CRK: variants seen among roughly 807,000 people sequenced by gnomAD.
The protein encoded by CRK is adapter molecule crk.
CRK carries 4 observed loss-of-function variants against 29.8 expected under a neutral mutation model. The observed-to-expected ratio is 0.13, with a 90% confidence interval of 0.07 to 0.31. CRK has a LOEUF of 0.31. CRK is among the 10% of genes least tolerant of loss of function. The pLI is 1.00. For synonymous variants in CRK, 153 were observed against 164.9 expected (o/e 0.93, Z 0.55); for missense variants, 274 against 396.5 (o/e 0.69, Z 2.62).
At chr17:1,426,991 C>T (rs1161838232) in intron 2 of CRK, among the ~76,000 whole-genome samples, 1 of 123,486 alleles carries the variant, frequency 8.1e-6, no homozygotes, top group Non-Finnish European at 1.6e-5. Flanking sequence ...AAGATAGTAC[C>T]AGTGCACTCC....
chr17:1,430,342 C>T (rs1329109290), intron 2 of CRK, among the ~76,000 whole-genome samples: 2 of 151,004 alleles, frequency 1.3e-5, no homozygotes, highest in African/African-American at 4.9e-5. Context: ...ACCACTGTAC[C>T]TGGGCTCATT....
intron 2 of CRK, among the ~76,000 whole-genome samples, chr17:1,427,030 C>CAAAAAAAAAAAAAAAAA (rs562515421): frequency 1.4e-4 from 5 of 35,304 alleles, no homozygotes; most frequent in East Asian, 1.3e-3. Context: ...AAACTGTCTC[C>CAAAAAAAAAAAAAAAAA]AAAAAAAAAA....
intron 2 of CRK, among the ~76,000 whole-genome samples, chr17:1,435,303 C>T (rs907240800): frequency 2.6e-5 from 4 of 152,080 alleles, no homozygotes; most frequent in Admixed American, 6.6e-5. Context: ...CTGCCCACCT[C>T]GGCCTCCCAA....
At chr17:1,450,518 AG>A (rs1282104522) in intron 1 of CRK, among the ~76,000 whole-genome samples, 3 of 111,538 alleles carry the variant, frequency 2.7e-5, no homozygotes, top group Non-Finnish European at 6.6e-5. Context: ...TCTCAAAAAA[AG>A]AAAAAAAACA....
intron 2 of CRK, among the ~76,000 whole-genome samples, chr17:1,431,045 C>T (rs188077803): frequency 8.6e-5 from 13 of 151,154 alleles, no homozygotes; most frequent in South Asian, 2.1e-4. Context: ...CCAGCCTGGG[C>T]GACAGAGTGA....
Position 1,456,120 on chromosome 17 carries a change from C to A in CRK, c.-3G>T, listed in dbSNP as rs774848715. On this transcript the variant is annotated 5_prime_UTR_variant, in exon 1 of 3. Transcript: ENST00000300574. The stretch of plus-strand genomic sequence containing the variant: ...TCCGAGTCGAAGTTGCCCGCCATGG[C>A]TGCCTCCGCGCCTAAACGCTGGGGT... 7 of 1,535,306 alleles carry A rather than the reference C, an allele frequency of 4.6e-6. No homozygotes were observed. Among genetic ancestry groups the A allele is most frequent in the Non-Finnish European group, 5.2e-6 (6 of 1,144,304 alleles).
intron 1 of CRK, among the ~76,000 whole-genome samples, chr17:1,443,424 G>C (rs974588906): frequency 6.6e-6 from 1 of 151,686 alleles, no homozygotes; most frequent in South Asian, 2.1e-4. Flanking sequence ...TTGAGACAGA[G>C]TCTCACTGTT....
chr17:1,437,198 C>T, intron 1 of CRK, 43 bp from the exon 2 acceptor site: 1 of 1,519,238 alleles, frequency 6.6e-7, no homozygotes, highest in Non-Finnish European at 8.8e-7. Context: ...ATGTACTACA[C>T]TGGAAATGAA....
intron 2 of CRK, among the ~76,000 whole-genome samples, chr17:1,433,150 C>T (rs950993378): frequency 6.6e-6 from 1 of 152,156 alleles, no homozygotes; most frequent in African/African-American, 2.4e-5. Context: ...CTGATCAATG[C>T]GTTCCAGAGA....
chr17:1,438,142 G>T (rs1251781419), intron 1 of CRK, among the ~76,000 whole-genome samples: 2 of 151,642 alleles, frequency 1.3e-5, no homozygotes, highest in African/African-American at 4.8e-5. Context: ...GGTTTTCGTT[G>T]TTTTTGGGAC....
chr17:1,430,425 T>C (rs62089613), intron 2 of CRK, among the ~76,000 whole-genome samples: 77,191 of 149,518 alleles, frequency 0.52, 21,036 homozygotes, highest in Non-Finnish European at 0.61. Flanking sequence ...GGCGCGATCT[T>C]GGCTCACTGC....
Position 1,433,176 on chromosome 17 carries a change from C to T in CRK, c.777+3444G>A, listed in dbSNP as rs576030630. The stretch of plus-strand genomic sequence containing the variant: ...GTTCCAGAGATAATGAGAACAAAAT[C>T]AGAACCCAAATGGTATCAATGTTTG... On this transcript the variant is annotated intron_variant, in intron 2 of 2. Transcript: ENST00000300574. Among the ~76,000 whole-genome samples, 23 of 152,290 alleles carry T rather than the reference C, an allele frequency of 1.5e-4. No individual in the cohort carries two copies. The South Asian group carries it at 3.7e-3, about 25-fold the overall frequency.
At chr17:1,447,610 T>TC (rs2073985389) in intron 1 of CRK, among the ~76,000 whole-genome samples, 1 of 118,650 alleles carries the variant, frequency 8.4e-6, no homozygotes, top group East Asian at 2.4e-4. Context: ...TCTTTTCCTT[T>TC]TTTTTTTTTT....
intron 1 of CRK, among the ~76,000 whole-genome samples, chr17:1,447,912 C>A (rs148403938): frequency 1.7e-4 from 26 of 152,102 alleles, no homozygotes; most frequent in Non-Finnish European, 3.1e-4. Flanking sequence ...CCACCACACC[C>A]GGCCCTCTTT....
intron 2 of CRK, among the ~76,000 whole-genome samples, chr17:1,433,157 G>C (rs539218614): frequency 6.6e-6 from 1 of 152,324 alleles, no homozygotes; most frequent in Admixed American, 6.5e-5. Context: ...ATGCGTTCCA[G>C]AGATAATGAG....
intron 1 of CRK, among the ~76,000 whole-genome samples, chr17:1,453,306 A>G (rs934231656): frequency 2.0e-5 from 3 of 152,306 alleles, no homozygotes; most frequent in Non-Finnish European, 2.9e-5. Context: ...GAGACATAAA[A>G]TCGTTATGCT....
chr17:1,456,192 C>A lies in CRK; in HGVS notation c.-75G>T. On this transcript the variant is annotated 5_prime_UTR_variant, in exon 1 of 3. Transcript: ENST00000300574. Reference sequence around the variant, plus strand: ...CCGGCCCCCGGCGCCCGCCGCCCAGCGGACCGGCTCCGGTTTCAGCTTCAC... The same window carrying A: ...CCGGCCCCCGGCGCCCGCCGCCCAGAGGACCGGCTCCGGTTTCAGCTTCAC... The A allele has an allele frequency of 1.5e-6, 2 of 1,356,348 alleles. No homozygotes were observed. The highest frequency in any genetic ancestry group is 9.4e-7 in the Non-Finnish European group (1 of 1,059,294). 84.0% of individuals were successfully genotyped at this position (1,356,348 alleles called of 1,614,324 possible). A position where few individuals can be genotyped will look rare whatever the true frequency, so the allele number is the denominator to read the frequency against.
intron 2 of CRK, among the ~76,000 whole-genome samples, chr17:1,424,067 GTTTT>G (rs58338503): frequency 8.2e-5 from 9 of 109,828 alleles, no homozygotes; most frequent in South Asian, 3.2e-4. Flanking sequence ...AGCTTTCTCC[GTTTT>G]TTTTTTTTTT....
Position 1,423,337 on chromosome 17 carries a change from T to C in CRK, c.*176A>G, listed in dbSNP as rs1366207030. On this transcript the variant is annotated 3_prime_UTR_variant, in exon 3 of 3. Coordinates refer to ENST00000300574, the MANE Select transcript of CRK (RefSeq NM_016823.4). ...CACACAAGCCCTCCAGTTCGTACCC[T>C]GAATATGGTAATTAAGACTAGGAAT... The C allele has an allele frequency of 1.1e-5, 9 of 809,158 alleles. No individual in the cohort carries two copies. The highest frequency in any genetic ancestry group is 1.7e-5 in the Non-Finnish European group (9 of 536,038). The allele number at this position is 809,158 out of a possible 1,614,324, so 50.1% of individuals were successfully genotyped here.
Sources: gnomAD v4.1 joint callset for allele counts (sites outside exome capture counted in the v4.1 genomes callset) on GRCh38, gnomAD v4.1.1 for gene constraint, MANE v1.5 for transcripts, NCBI Gene and HGNC (gene_info 2026-07-23, HGNC 2026-07-21) for gene names.